Variants in PNKP observed in about 807,000 individuals in gnomAD.
PNKP encodes polynucleotide kinase 3'-phosphatase.
PNKP carries 82 observed loss-of-function variants against 66.2 expected under a neutral mutation model. The ratio of observed to expected loss-of-function variants is 1.24; its 90% confidence interval spans 1.04 to 1.49. The LOEUF is 1.49. Ranked by LOEUF, PNKP falls within the 40% of genes most tolerant of loss-of-function variation. The pLI, the probability that PNKP is intolerant of heterozygous loss-of-function variation, is 0.00. For missense variants in PNKP, 907 were observed against 706.8 expected (o/e 1.28, Z -3.21); for synonymous variants, 412 against 298.9 (o/e 1.38, Z -3.90).
chr19:49,864,736 C>CAAACTAAATA (rs2074805549), intron 4 of PNKP, among the ~76,000 whole-genome samples: 1 of 152,202 alleles, frequency 6.6e-6, no homozygotes, highest in Non-Finnish European at 1.5e-5. Context: ...AAAGCAGGAG[C>CAAACTAAATA]AAAGCTTTGG....
chr19:49,867,313 A>T (rs972763996), intron 1 of PNKP, 96 bp from the exon 2 acceptor site: 3 of 1,274,946 alleles, frequency 2.4e-6, no homozygotes, highest in Admixed American at 2.3e-5. Flanking sequence ...TTTCCCCACC[A>T]TTAACTGCTC....
At position 49,862,719 on chromosome 19, in the gene PNKP, A is replaced by G; in HGVS notation, c.836T>C (p.Ile279Thr). The change falls in exon 9 of 17, where the codon ATA becomes ACA. Residue 279 changes from isoleucine (I) to threonine (T), a missense_variant. By Grantham distance (89) the Ile-to-Thr change is moderately conservative. Transcript: ENST00000322344. ...CACAAAGATGCTGTCCCCGATGGAT[A>G]TGGGCGTGCCGTCGTTGGCCTACGG... ...LQEQANDGTP[I>T]SIGDSIFVGD... 1 of 1,614,052 alleles carries G rather than the reference A, an allele frequency of 6.2e-7. No homozygotes were observed. Among genetic ancestry groups the G allele is most frequent in the Non-Finnish European group, 8.5e-7 (1 of 1,179,954 alleles).
chr19:49,864,222 T>A lies in PNKP; in HGVS notation c.593A>T (p.Glu198Val). ...GPSDWRILYP[E>V]IPRKLRELEA... ...CAGCTCTCGGAGCTTACGGGGAATC[T>A]CTGGGTACAAGATCCTACGGCAGGT... Residue 198 changes from glutamate (E) to valine (V), a missense_variant, in exon 6 of 17, where the codon GAG becomes GTG. Transcript: ENST00000322344. 2 of 1,614,096 alleles carry A rather than the reference T, an allele frequency of 1.2e-6. No homozygotes were observed. Among genetic ancestry groups the A allele is most frequent in the Non-Finnish European group, 1.7e-6 (2 of 1,180,010 alleles).
In PNKP at chr19:49,861,357, A is replaced by G; in HGVS notation, c.1457T>C (p.Phe486Ser). 1.2e-6 allele frequency: 2 copies of G among 1,614,094 alleles called. No individual in the cohort carries two copies. Among genetic ancestry groups the G allele is most frequent in the East Asian group, 2.2e-5 (1 of 44,870 alleles). ...DMVMYGYRKQ[F>S]EAPTLAEGFS... The stretch of plus-strand genomic sequence containing the variant: ...GCCTTCAGCCAGCGTTGGGGCCTCG[A>G]ACTGCTTCCTGGCAGTGGTGGGAAC... The change falls in exon 17 of 17, where the codon TTC becomes TCC. Residue 486 changes from phenylalanine (F) to serine (S), a missense_variant. Phe to Ser is a radical substitution (Grantham distance 155). Coordinates refer to ENST00000322344, the MANE Select transcript of PNKP (RefSeq NM_007254.4).
At chr19:49,864,129 G>C in intron 6 of PNKP, 50 bp downstream of exon 6, 1 of 1,606,998 alleles carries the variant, frequency 6.2e-7, no homozygotes, top group South Asian at 1.1e-5. Flanking sequence ...GTCTGACTGC[G>C]GTCGGACCGC....
Position 49,861,666 on chromosome 19 carries a change from A to ACGC in PNKP, c.1325_1327dup (p.Gly442dup). The ACGC allele has an allele frequency of 6.5e-7, 1 of 1,548,300 alleles. No homozygotes were observed. Among genetic ancestry groups the ACGC allele is most frequent in the East Asian group, 2.4e-5 (1 of 40,976 alleles). On this transcript the variant is annotated inframe_insertion, in exon 15 of 17. Coordinates refer to ENST00000322344, the MANE Select transcript of PNKP (RefSeq NM_007254.4). ...GGTGAAGAGGAAGCAGCGGCAGGGGACGCCCGCGGCTCGGGCACACTGGAC... is the reference window on the plus strand; with the variant it reads ...GGTGAAGAGGAAGCAGCGGCAGGGGACGCCGCCCGCGGCTCGGGCACACTGGAC...
chr19:49,861,727 C>G, intron 14 of PNKP, 32 bp from the exon 15 acceptor site: 1 of 1,549,224 alleles, frequency 6.5e-7, no homozygotes, highest in Non-Finnish European at 8.7e-7. Context: ...GTGCAGGCCC[C>G]GCCCACCCCG....
At position 49,861,671 on chromosome 19, in the gene PNKP, C is replaced by G. The variant is rs778138676; in HGVS notation, c.1323G>C (p.Ala441=). 1.3e-6 allele frequency: 2 copies of G among 1,548,102 alleles called. No individual in the cohort carries two copies. The highest frequency in any genetic ancestry group is 1.2e-5 in the South Asian group (1 of 84,168). The change falls in exon 15 of 17, where the codon GCG becomes GCC. Residue 441 remains alanine (A), a synonymous_variant. Transcript: ENST00000322344. ...AGAGGAAGCAGCGGCAGGGGACGCC[C>G]GCGGCTCGGGCACACTGGACGTACC... is the stretch of plus-strand genomic sequence containing the variant. ...RARYVQCARA[A]GVPCRCFLFT... is the part of the protein sequence containing the mutation.
chr19:49,865,759 ACCC>A (rs1375306381), intron 3 of PNKP, among the ~76,000 whole-genome samples: 117 of 148,074 alleles, frequency 7.9e-4, no homozygotes, highest in African/African-American at 2.8e-3. Context: ...GATTACAGGC[ACCC>A]GCCACCATGC....
At chr19:49,866,741 G>C (rs540709684) in intron 2 of PNKP, 4 of 592,556 alleles carry the variant, frequency 6.8e-6, no homozygotes, top group African/African-American at 5.6e-5. Context: ...TCCCAACCTA[G>C]CGACATTTAC....
rs755448127 is a variant in PNKP at position 49,861,284 on chromosome 19, C to A, written c.1530G>T (p.Arg510Ser). The A allele has an allele frequency of 6.2e-7, 1 of 1,613,630 alleles. No individual in the cohort carries two copies. Residue 510 changes from arginine (R) to serine (S), a missense_variant, in exon 17 of 17, where the codon AGG becomes AGT. Arg to Ser is a moderately radical substitution (Grantham distance 110). Coordinates refer to ENST00000322344, the MANE Select transcript of PNKP (RefSeq NM_007254.4). ...AGAACTGGCAGTACAGCCGCCCCAG[C>A]CTCGGCTCCACCCATAGCCGGAACG... ...EIPFRLWVEP[R>S]LGRLYCQFSE...
At chr19:49,867,397 G>A (rs1244419410) in intron 1 of PNKP, 72 bp downstream of exon 1, 1 of 638,586 alleles carries the variant, frequency 1.6e-6, no homozygotes, top group Non-Finnish European at 2.7e-6. Flanking sequence ...ATCCCTCCCC[G>A]AGTTGCAATC....
rs587784365 is a variant in PNKP, at chr19:49,861,800, T to TGTTGTCGATGGCGACCC, written c.1253_1269dup (p.Thr424GlyfsTer49). On this transcript the variant is annotated frameshift_variant, in exon 14 of 17. Coordinates refer to ENST00000322344, the MANE Select transcript of PNKP (RefSeq NM_007254.4). LOFTEE classifies it high-confidence loss of function. ...GCGCGGCTCGCGGCGTCTGGGTTTG[T>TGTTGTCGATGGCGACCC]GTTGTCGATGGCGACCCGTTTCCCT... is the stretch of plus-strand genomic sequence containing the variant. The TGTTGTCGATGGCGACCC allele has an allele frequency of 3.0e-4, 468 of 1,574,586 alleles. No homozygotes were observed. The highest frequency in any genetic ancestry group is 3.9e-4 in the Non-Finnish European group (449 of 1,164,160).
At position 49,863,690 on chromosome 19, in the gene PNKP, T is replaced by G. The variant is rs1326621062; in HGVS notation, c.815A>C (p.Gln272Pro). The G allele has an allele frequency of 1.9e-6, 3 of 1,553,092 alleles. No individual in the cohort carries two copies. Among genetic ancestry groups the G allele is most frequent in the Non-Finnish European group, 2.6e-6 (3 of 1,147,370 alleles). ...GGCCGGGCAGGCTGCAAGACTCACC[T>G]GCTCCTGCAGATGGTCCCACATGCC... ...VTGMWDHLQE[Q>P]ANDGTPISIG... Residue 272 changes from glutamine (Q) to proline (P), a missense_variant and splice_region_variant, in exon 8 of 17, where the codon CAG becomes CCG. Gln to Pro is a moderately conservative substitution (Grantham distance 76). Transcript: ENST00000322344.
At position 49,861,270 on chromosome 19, in the gene PNKP, T is replaced by TA. The variant is rs2122315348; in HGVS notation, c.1543dup (p.Tyr515LeufsTer23). 2 of 1,611,890 alleles carry TA rather than the reference T, an allele frequency of 1.2e-6. No individual in the cohort carries two copies. The highest frequency in any genetic ancestry group is 1.7e-6 in the Non-Finnish European group (2 of 1,178,306). On this transcript the variant is annotated frameshift_variant, in exon 17 of 17. Coordinates refer to ENST00000322344, the MANE Select transcript of PNKP (RefSeq NM_007254.4). LOFTEE classifies it high-confidence loss of function. ...GGCTCAGCCCTCGGAGAACTGGCAG[T>TA]ACAGCCGCCCCAGCCTCGGCTCCAC...
intron 8 of PNKP, 36 bp from the exon 9 acceptor site, chr19:49,862,774 A>G (rs758832793): frequency 1.1e-5 from 18 of 1,611,812 alleles, no homozygotes; most frequent in Admixed American, 1.7e-5. Flanking sequence ...CCTTCCCACA[A>G]ATGTCCCCCC....
In PNKP at chr19:49,862,189, A is replaced by G. The variant is rs752671833; in HGVS notation, c.1122T>C (p.Pro374=). Residue 374 remains proline (P), a synonymous_variant, in exon 12 of 17, where the codon CCT becomes CCC. Coordinates refer to ENST00000322344, the MANE Select transcript of PNKP (RefSeq NM_007254.4). The stretch of plus-strand genomic sequence containing the variant: ...GCACAGGAACAGGACACTTACCCCC[A>G]GGGAATCCCACTGCGACAACCACCT... ...SPEVVVAVGF[P]GAGKSTFLKK... The G allele has an allele frequency of 6.2e-7, 1 of 1,613,838 alleles. No individual in the cohort carries two copies. The highest frequency in any genetic ancestry group is 1.7e-5 in the Admixed American group (1 of 59,996).
chr19:49,865,421 T>C lies in PNKP; in HGVS notation c.204A>G (p.Gly68=), dbSNP rs780136062. 1 of 1,603,224 alleles carries C rather than the reference T, an allele frequency of 6.2e-7. No individual in the cohort carries two copies. Among genetic ancestry groups the C allele is most frequent in the South Asian group, 1.1e-5 (1 of 89,606 alleles). Residue 68 remains glycine, a synonymous_variant, in exon 4 of 17, where the codon GGA becomes GGG. Transcript: ENST00000322344. Reference sequence around the variant, plus strand: ...GGGTCCCGGTAGTTGAGGGGTTAACTCCCAGCTGCAGAAAGAGAGGGAGGA... The same window carrying C: ...GGGTCCCGGTAGTTGAGGGGTTAACCCCCAGCTGCAGAAAGAGAGGGAGGA... ...ETRTVAVKQL[G]VNPSTTGTQE...
Position 49,861,611 on chromosome 19 carries a change from GT to G in PNKP, c.1382del (p.Asn461ThrfsTer6). ...TATLEQARHN[N>X]RFREMTDSSH... ...TGTCCGGGCTGAGCGGGCTCACCCG[GT>G]TGTTGTGGCGCGCCTGCTCCAGAGT... On this transcript the variant is annotated frameshift_variant, in exon 15 of 17. Transcript: ENST00000322344. LOFTEE classifies it high-confidence loss of function. 6.4e-7 allele frequency: 1 copy of G among 1,558,002 alleles called. No individual in the cohort carries two copies. The highest frequency in any genetic ancestry group is 2.4e-5 in the East Asian group (1 of 41,594).
Sources: gnomAD v4.1 joint callset for allele counts (sites outside exome capture counted in the v4.1 genomes callset) on GRCh38, gnomAD v4.1.1 for gene constraint, MANE v1.5 for transcripts, NCBI Gene and HGNC (gene_info 2026-07-23, HGNC 2026-07-21) for gene names.